The following CD247 variants were observed in gnomAD, a reference collection of about 807,000 sequenced individuals.
The protein encoded by CD247 is T-cell surface glycoprotein CD3 zeta chain.
A neutral mutation model predicts 30.0 loss-of-function variants in CD247; 13 were observed. The observed-to-expected ratio is 0.43, with a 90% CI of 0.28 to 0.69. The LOEUF (loss-of-function observed/expected upper bound fraction) is 0.69, where lower values mean the gene tolerates loss of function less well. Ranked by LOEUF, CD247 falls within the 30% of genes least tolerant of loss-of-function variation. CD247 has a pLI of 0.16. For synonymous variants in CD247, 72 were observed against 80.0 expected (o/e 0.90, Z 0.53); for missense variants, 193 against 212.6 (o/e 0.91, Z 0.57).
chr1:167,434,353 TG>T (rs1433452529), intron 5 of CD247: 1 of 519,338 alleles, frequency 1.9e-6, no homozygotes. Flanking sequence ...AGATAGGAGG[TG>T]GAGTTCTAGA....
At chr1:167,506,650 C>T (rs1287334592) in intron 1 of CD247, among the ~76,000 whole-genome samples, 1 of 152,040 alleles carries the variant, frequency 6.6e-6, no homozygotes, top group Non-Finnish European at 1.5e-5. Context: ...ACCCCTACCC[C>T]AGCCTAATCA....
intron 1 of CD247, among the ~76,000 whole-genome samples, chr1:167,514,675 A>G (rs1332439255): frequency 6.6e-6 from 1 of 152,158 alleles, no homozygotes; most frequent in African/African-American, 2.4e-5. Context: ...TAGTGTTAAT[A>G]AAAATTAGCC....
intron 1 of CD247, among the ~76,000 whole-genome samples, chr1:167,506,395 T>A (rs1428797749): frequency 6.8e-6 from 1 of 147,306 alleles, no homozygotes. Flanking sequence ...TTGTCCAGGC[T>A]AAAGTGCAGT....
chr1:167,516,530 C>T (rs910885844), intron 1 of CD247, among the ~76,000 whole-genome samples: 1 of 152,212 alleles, frequency 6.6e-6, no homozygotes, highest in Non-Finnish European at 1.5e-5. Context: ...CTATGTGCGG[C>T]CTTTCCTCCG....
rs1013930455 is a variant in CD247, at chr1:167,465,431, C to A, written c.59-24664G>T. Among the ~76,000 whole-genome samples, 3 of 148,360 alleles carry A rather than the reference C, an allele frequency of 2.0e-5. No homozygotes were observed. The South Asian group carries it at 6.4e-4, about 32-fold the overall frequency. On this transcript the variant is annotated intron_variant, in intron 1 of 7. Transcript: ENST00000362089. The stretch of plus-strand genomic sequence containing the variant: ...GCAACCTCCACCTCCCAGGTTCAAG[C>A]GATTCTCCTGCCTCAGCCTCCCGAG...
At chr1:167,500,333 T>A (rs1654851149) in intron 1 of CD247, among the ~76,000 whole-genome samples, 1 of 152,258 alleles carries the variant, frequency 6.6e-6, no homozygotes, top group Non-Finnish European at 1.5e-5. Context: ...CAGACTCATA[T>A]TGCTCTTTAA....
At chr1:167,475,882 A>G (rs987188799) in intron 1 of CD247, among the ~76,000 whole-genome samples, 8 of 152,214 alleles carry the variant, frequency 5.3e-5, no homozygotes, top group African/African-American at 1.9e-4. Context: ...GATAAAATGA[A>G]CTGTGAAGTA....
At chr1:167,501,548 C>T (rs1654909349) in intron 1 of CD247, among the ~76,000 whole-genome samples, 1 of 152,224 alleles carries the variant, frequency 6.6e-6, no homozygotes, top group Non-Finnish European at 1.5e-5. Context: ...AGGGCTGAAC[C>T]CTTCTCCAGT....
chr1:167,495,864 G>A (rs991779316), intron 1 of CD247, among the ~76,000 whole-genome samples: 35 of 152,136 alleles, frequency 2.3e-4, no homozygotes, highest in African/African-American at 8.4e-4. Context: ...GGACATCCCT[G>A]CATACCCTAC....
chr1:167,438,041 A>C (rs576890853), intron 4 of CD247, among the ~76,000 whole-genome samples: 50 of 148,958 alleles, frequency 3.4e-4, no homozygotes, highest in African/African-American at 1.1e-3. Flanking sequence ...GAAGGAAGGA[A>C]GGAAGGAAGG....
At chr1:167,461,275 C>T (rs60370787) in intron 1 of CD247, among the ~76,000 whole-genome samples, 19,641 of 152,258 alleles carry the variant, frequency 0.13, 1,585 homozygotes, top group African/African-American at 0.22. Flanking sequence ...CAGGACCTCT[C>T]ACCTGGACCC....
At chr1:167,437,405 C>A (rs1489864306) in intron 4 of CD247, among the ~76,000 whole-genome samples, 8 of 146,676 alleles carry the variant, frequency 5.5e-5, no homozygotes, top group East Asian at 2.0e-4. Flanking sequence ...AACGCTGTCT[C>A]AAAAAAAAAA....
intron 1 of CD247, among the ~76,000 whole-genome samples, chr1:167,514,330 G>T (rs34330996): frequency 6.6e-6 from 1 of 151,924 alleles, no homozygotes; most frequent in Non-Finnish European, 1.5e-5. Context: ...GTGGAGATGG[G>T]GTTTCACCAC....
In CD247 at chr1:167,433,043, C is replaced by T. The variant is rs753278244; in HGVS notation, c.410G>A (p.Gly137Glu). 3.1e-6 allele frequency: 5 copies of T among 1,614,188 alleles called. No homozygotes were observed. In the South Asian group the frequency reaches 5.5e-5, roughly 18 times the overall value. Residue 137 changes from glycine to glutamate, a missense_variant, in exon 7 of 8, where the codon GGG becomes GAG. Physicochemically the swap from Gly to Glu is moderately conservative, Grantham distance 98. Coordinates refer to ENST00000362089, the MANE Select transcript of CD247 (RefSeq NM_198053.3). The stretch of plus-strand genomic sequence containing the variant: ...TCCTACCTGGTAAAGGCCATCGTGC[C>T]CCTTGCCCCTCCGGCGCTGGTTGTT... ...GMKGERRRGK[G>E]HDGLYQGLST...
At chr1:167,468,563 C>T (rs554321093) in intron 1 of CD247, among the ~76,000 whole-genome samples, 1 of 152,108 alleles carries the variant, frequency 6.6e-6, no homozygotes, top group Non-Finnish European at 1.5e-5. Flanking sequence ...TCCTGGTAGC[C>T]CAGCAGGAAC....
chr1:167,460,245 T>C (rs1652929671), intron 1 of CD247, among the ~76,000 whole-genome samples: 1 of 151,654 alleles, frequency 6.6e-6, no homozygotes, highest in Admixed American at 6.6e-5. Flanking sequence ...CTACAAAAAA[T>C]AGAAAAATTA....
At chr1:167,499,642 G>C (rs1413083635) in intron 1 of CD247, among the ~76,000 whole-genome samples, 1 of 152,148 alleles carries the variant, frequency 6.6e-6, no homozygotes, top group South Asian at 2.1e-4. Flanking sequence ...AATAATGGAA[G>C]CTTAGGTGCA....
At chr1:167,466,120 A>G (rs1653233069) in intron 1 of CD247, among the ~76,000 whole-genome samples, 1 of 152,260 alleles carries the variant, frequency 6.6e-6, no homozygotes, top group Non-Finnish European at 1.5e-5. Flanking sequence ...GGCATCAACT[A>G]GCTGCAGAGC....
intron 1 of CD247, chr1:167,448,391 G>C: frequency 2.0e-6 from 2 of 985,426 alleles, no homozygotes; most frequent in Non-Finnish European, 2.4e-6. Context: ...GTCCTCACCA[G>C]GCTGTGGAGT....
Sources: allele counts gnomAD v4.1 joint callset (sites outside exome capture counted in the v4.1 genomes callset), GRCh38; gene constraint gnomAD v4.1.1; transcripts MANE v1.5; gene names NCBI Gene and HGNC (gene_info 2026-07-23, HGNC 2026-07-21).